Variants in CHD5 observed in about 807,000 individuals in gnomAD.
The protein encoded by CHD5 is chromodomain helicase DNA binding protein 5.
Under a neutral mutation model 230.3 loss-of-function variants are expected in CHD5, and 69 were observed. The observed-to-expected ratio is 0.30, with a 90% CI of 0.25 to 0.37. The LOEUF is 0.37. Among genes scored for constraint, CHD5 ranks in the 10% least tolerant of loss-of-function variants. The pLI is 1.00. For synonymous variants in CHD5, 1,064 were observed against 1,065.9 expected, an observed-to-expected ratio of 1.00 and a Z score of 0.03; for missense variants, 1,827 against 2,622.8, an observed-to-expected ratio of 0.70 and a Z score of 6.63.
At chr1:6,139,683 T>C (rs1362767599) in intron 15 of CHD5, among the ~76,000 whole-genome samples, 1 of 152,114 alleles carries the variant, frequency 6.6e-6, no homozygotes, top group African/African-American at 2.4e-5. Flanking sequence ...CCCAAGTAGC[T>C]AGGACTACAG....
At position 6,110,600 on chromosome 1, in the gene CHD5, G is replaced by C. The variant is rs899322950; in HGVS notation, c.5250-74C>G. On this transcript the variant is annotated intron_variant, in intron 36 of 41. Coordinates refer to ENST00000262450, the MANE Select transcript of CHD5 (RefSeq NM_015557.3). ...GCCGTAGGGGGAGGCAGCTCAGGGA[G>C]GGGGAGGGGCCAGCCCGGGGGTCGG... is the stretch of plus-strand genomic sequence containing the variant. 72 of 1,487,462 alleles carry C rather than the reference G, an allele frequency of 4.8e-5. 1 individual carries two copies. The South Asian group carries it at 5.8e-4, about 12-fold the overall frequency. The allele number at this position is 1,487,462 out of a possible 1,614,324, so 92.1% of individuals were successfully genotyped here. A position where few individuals can be genotyped will look rare whatever the true frequency, so the allele number is the denominator to read the frequency against.
At chr1:6,122,477 G>A (rs187686371) in intron 31 of CHD5, among the ~76,000 whole-genome samples, 1 of 152,276 alleles carries the variant, frequency 6.6e-6, no homozygotes, top group Non-Finnish European at 1.5e-5. Flanking sequence ...GAACCATGAA[G>A]GCAGAGAACA....
At chr1:6,177,749 G>A (rs369361185) in intron 1 of CHD5, among the ~76,000 whole-genome samples, 3 of 152,336 alleles carry the variant, frequency 2.0e-5, no homozygotes, top group African/African-American at 7.2e-5. Context: ...GGTGAGCAGA[G>A]GAAAGAGCAG....
intron 33 of CHD5, among the ~76,000 whole-genome samples, chr1:6,118,071 A>T (rs1209767112): frequency 2.6e-5 from 4 of 152,232 alleles, no homozygotes; most frequent in Non-Finnish European, 5.9e-5. Flanking sequence ...TAGTAGATCC[A>T]TACAATGGAA....
chr1:6,144,225 TC>T, intron 11 of CHD5, 70 bp from the exon 12 acceptor site: 1 of 1,595,764 alleles, frequency 6.3e-7, no homozygotes. Context: ...GAAGGGCACC[TC>T]CCAGGATGCA....
Position 6,150,431 on chromosome 1 carries a change from AGGATGGAT to A in CHD5, c.994+593_994+600del, listed in dbSNP as rs74209532. Among the ~76,000 whole-genome samples, 641 of 132,034 alleles carry A rather than the reference AGGATGGAT, an allele frequency of 4.9e-3. 3 individuals are homozygous for A. The highest frequency in any genetic ancestry group is 0.017 in the African/African-American group (562 of 33,732). The allele number at this position is 132,034 out of a possible 152,430, so 86.6% of individuals were successfully genotyped here. A position where few individuals can be genotyped will look rare whatever the true frequency, so the allele number is the denominator to read the frequency against. On this transcript the variant is annotated intron_variant, in intron 7 of 41. Transcript: ENST00000262450. Reference sequence around the variant, plus strand: ...ATGGACAAGTGGATGGATGGATGATAGGATGGATGGATGGATGGATGGATGGATGGATG... The same window carrying A: ...ATGGACAAGTGGATGGATGGATGATAGGATGGATGGATGGATGGATGGATG...
intron 36 of CHD5, 57 bp from the exon 37 acceptor site, chr1:6,110,583 G>C: frequency 6.3e-7 from 1 of 1,584,062 alleles, no homozygotes; most frequent in Non-Finnish European, 8.6e-7. Context: ...GGGCCGTAGG[G>C]GGAGGCAGCT....
chr1:6,141,792 G>A (rs1026519038), intron 15 of CHD5, among the ~76,000 whole-genome samples: 5 of 152,140 alleles, frequency 3.3e-5, no homozygotes, highest in African/African-American at 1.2e-4. Flanking sequence ...AACCCCTGCC[G>A]CCACCAGGAG....
At chr1:6,133,011 C>T (rs531295224) in intron 20 of CHD5, among the ~76,000 whole-genome samples, 28 of 152,228 alleles carry the variant, frequency 1.8e-4, no homozygotes, top group African/African-American at 6.7e-4. Flanking sequence ...CCTCCTGCCT[C>T]AACCTCCCAA....
chr1:6,122,365 A>G (rs2100840450), intron 31 of CHD5, among the ~76,000 whole-genome samples: 1 of 152,364 alleles, frequency 6.6e-6, no homozygotes, highest in South Asian at 2.1e-4. Context: ...CAAGTCTACA[A>G]ACAGCCAATA....
At chr1:6,133,318 G>A (rs12094550) in intron 20 of CHD5, among the ~76,000 whole-genome samples, 1 of 152,194 alleles carries the variant, frequency 6.6e-6, no homozygotes, top group Non-Finnish European at 1.5e-5. Context: ...CCCACTCCTT[G>A]GCTCAGCCCC....
chr1:6,110,580 A>C, intron 36 of CHD5, 54 bp from the exon 37 acceptor site: 1 of 831,722 alleles, frequency 1.2e-6, no homozygotes. Flanking sequence ...GTGGGGCCGT[A>C]GGGGGAGGCA....
At position 6,106,672 on chromosome 1, in the gene CHD5, C is replaced by A; in HGVS notation, c.5686G>T (p.Glu1896Ter). Residue 1896 changes from glutamate to a stop codon, truncating the protein, a stop_gained, in exon 39 of 42, where the codon GAG (glutamate) becomes TAG (stop). Transcript: ENST00000262450. LOFTEE classifies it high-confidence loss of function. ...GTCAGGCGGCTCAGGATGCTGCGCTCCGACATCTGCAGCCGGGCGGCCACC... is the reference window on the plus strand; with the variant it reads ...GTCAGGCGGCTCAGGATGCTGCGCTACGACATCTGCAGCCGGGCGGCCACC... ...PPVAARLQMSERSILSRLTNR... is the reference protein window; with the variant it reads ...PPVAARLQMS The A allele has an allele frequency of 6.2e-7, 1 of 1,610,512 alleles. No individual in the cohort carries two copies. Among genetic ancestry groups the A allele is most frequent in the Non-Finnish European group, 8.5e-7 (1 of 1,179,072 alleles).
rs760975692 is a variant in CHD5 at position 6,167,661 on chromosome 1, C to G, written c.207+489G>C. 3.8e-4 allele frequency among the ~76,000 whole-genome samples: 58 copies of G among 152,218 alleles called. 1 individual carries two copies. The highest frequency in any genetic ancestry group is 2.1e-4 in the Non-Finnish European group (14 of 68,042). On this transcript the variant is annotated intron_variant, in intron 2 of 41. Transcript: ENST00000262450. The surrounding 1 kb of genome is among the most constrained non-coding windows in gnomAD (Gnocchi z 4.5). ...ATCACACCCTGCCAACCCAAGGCAG[C>G]GGAGCATGCGGCAGCCTCGCCCATC...
intron 6 of CHD5, among the ~76,000 whole-genome samples, chr1:6,151,496 A>C (rs1006643561): frequency 2.0e-5 from 3 of 152,078 alleles, no homozygotes; most frequent in African/African-American, 7.2e-5. Flanking sequence ...GTCTTCCCAG[A>C]TCTCTCCTTT....
chr1:6,110,598 G>T, intron 36 of CHD5, 72 bp from the exon 37 acceptor site: 8 of 1,458,582 alleles, frequency 5.5e-6, no homozygotes, highest in South Asian at 1.2e-5. Flanking sequence ...GCAGCTCAGG[G>T]AGGGGGAGGG....
intron 6 of CHD5, 115 bp from the exon 7 acceptor site, chr1:6,151,270 C>T: frequency 4.0e-6 from 5 of 1,245,456 alleles, no homozygotes; most frequent in Non-Finnish European, 5.3e-6. Flanking sequence ...ACAGTGCTCT[C>T]TGTGATTCAT....
intron 2 of CHD5, among the ~76,000 whole-genome samples, chr1:6,160,382 G>A (rs755897873): frequency 1.6e-4 from 16 of 98,162 alleles, no homozygotes; most frequent in Non-Finnish European, 2.6e-4. Context: ...GAGAAGAAGA[G>A]CCCTAGCCAG....
At position 6,180,033 on chromosome 1, in the gene CHD5, G is replaced by A. The variant is rs1667490458; in HGVS notation, c.-10C>T. On this transcript the variant is annotated 5_prime_UTR_variant, in exon 1 of 42. Coordinates refer to ENST00000262450, the MANE Select transcript of CHD5 (RefSeq NM_015557.3). Reference sequence around the variant, plus strand: ...CCACTGGGCCCCGCATGCCCGGCGCGGGGAGGAGGGGAGGTGGGCGCCCCC... The same window carrying A: ...CCACTGGGCCCCGCATGCCCGGCGCAGGGAGGAGGGGAGGTGGGCGCCCCC... The A allele has an allele frequency of 3.8e-6, 5 of 1,300,098 alleles. No homozygotes were observed. In the South Asian group the frequency reaches 4.8e-5, roughly 13 times the overall value. 80.5% of individuals were successfully genotyped at this position (1,300,098 alleles called of 1,614,324 possible). A position where few individuals can be genotyped will look rare whatever the true frequency, so the allele number is the denominator to read the frequency against.
Sources: gnomAD v4.1 joint callset for allele counts (sites outside exome capture counted in the v4.1 genomes callset) on GRCh38, gnomAD v4.1.1 for gene constraint, Gnocchi (gnomAD v3.1) non-coding constraint, MANE v1.5 for transcripts, NCBI Gene and HGNC (gene_info 2026-07-23, HGNC 2026-07-21) for gene names.